SCN9A: variants seen among roughly 807,000 people sequenced by gnomAD.
SCN9A encodes the protein sodium voltage-gated channel alpha subunit 9.
A neutral mutation model predicts 187.0 loss-of-function variants in SCN9A; 131 were observed. That is an observed-to-expected ratio of 0.70 (90% CI 0.61 to 0.81). The LOEUF (loss-of-function observed/expected upper bound fraction) is 0.81. Among genes scored for constraint, SCN9A ranks in the 30% least tolerant of loss-of-function variants. The pLI, the probability that SCN9A is intolerant of heterozygous loss-of-function variation, is 0.00. For synonymous variants in SCN9A, 809 were observed against 808.6 expected, an observed-to-expected ratio of 1.00 and a Z score of -0.01; for missense variants, 2,252 against 2,396.6, an observed-to-expected ratio of 0.94 and a Z score of 1.26.
At chr2:166,232,257 T>A (rs1423369995) in intron 21 of SCN9A, among the ~76,000 whole-genome samples, 1 of 152,212 alleles carries the variant, frequency 6.6e-6, no homozygotes, top group Non-Finnish European at 1.5e-5. Flanking sequence ...AAAGCTAGGT[T>A]ATGGTAGTTG....
chr2:166,350,572 TATTA>T (rs1700010386), intron 1 of SCN9A, among the ~76,000 whole-genome samples: 1 of 152,242 alleles, frequency 6.6e-6, no homozygotes, highest in Admixed American at 6.5e-5. Flanking sequence ...AATCACTTCC[TATTA>T]TTTATTTAAC....
chr2:166,313,892 TA>T lies in SCN9A; in HGVS notation c.-50-2087del, dbSNP rs144372216. On this transcript the variant is annotated intron_variant, in intron 1 of 26. Transcript: ENST00000642356. The stretch of plus-strand genomic sequence containing the variant: ...CGCAATTCTTCCTTTACTTGAACAT[TA>T]GGGGTGGGAATGGGTTACTAATTGG... Among the ~76,000 whole-genome samples, 544 of 152,278 alleles carry T rather than the reference TA, an allele frequency of 3.6e-3. 12 individuals are homozygous for T. The East Asian group carries it at 0.065, about 18-fold the overall frequency.
intron 18 of SCN9A, among the ~76,000 whole-genome samples, chr2:166,247,927 C>A (rs4564792): frequency 0.79 from 120,033 of 151,914 alleles, 48,021 homozygotes; most frequent in Non-Finnish European, 0.85. Flanking sequence ...GCAAGATATA[C>A]GGAAGCAGTC....
chr2:166,256,663 T>C (rs537718902), intron 17 of SCN9A, among the ~76,000 whole-genome samples: 1 of 151,534 alleles, frequency 6.6e-6, no homozygotes, highest in Admixed American at 6.6e-5. Flanking sequence ...TTTCCTATTT[T>C]TCTTTGTCTA....
chr2:166,210,829 G>A lies in SCN9A; in HGVS notation c.4399-6365C>T, dbSNP rs141249372. Among the ~76,000 whole-genome samples, 467 of 152,182 alleles carry A rather than the reference G, an allele frequency of 3.1e-3. 2 individuals are homozygous for A. The highest frequency in any genetic ancestry group is 0.011 in the African/African-American group (438 of 41,526). On this transcript the variant is annotated intron_variant, in intron 24 of 26. Transcript: ENST00000642356. Reference sequence around the variant, plus strand: ...ATCCCAGCACTTTGAGGGGCTGAGCGGGAGTGGATCACCTGAGGTCAGGAG... The same window carrying A: ...ATCCCAGCACTTTGAGGGGCTGAGCAGGAGTGGATCACCTGAGGTCAGGAG...
chr2:166,214,128 G>GT (rs1208015582), intron 24 of SCN9A, among the ~76,000 whole-genome samples: 1 of 152,078 alleles, frequency 6.6e-6, no homozygotes, highest in African/African-American at 2.4e-5. Flanking sequence ...AATTGCCTTG[G>GT]TTTTCCATTT....
chr2:166,322,772 A>G (rs955504791), intron 1 of SCN9A, among the ~76,000 whole-genome samples: 3 of 152,158 alleles, frequency 2.0e-5, no homozygotes, highest in African/African-American at 7.2e-5. Flanking sequence ...ACAGAGATTT[A>G]GTTTAGAGTA....
In SCN9A at chr2:166,198,344, T is replaced by C; in HGVS notation, c.*328A>G. The C allele has an allele frequency of 4.6e-6, 1 of 215,716 alleles. No individual in the cohort carries two copies. Among genetic ancestry groups the C allele is most frequent in the Non-Finnish European group, 9.2e-6 (1 of 108,392 alleles). 13.4% of individuals were successfully genotyped at this position (215,716 alleles called of 1,614,324 possible). A position where few individuals can be genotyped will look rare whatever the true frequency, so the allele number is the denominator to read the frequency against. On this transcript the variant is annotated 3_prime_UTR_variant, in exon 27 of 27. Coordinates refer to ENST00000642356, the MANE Select transcript of SCN9A (RefSeq NM_001365536.1). Reference sequence around the variant, plus strand: ...TTATTTACATGGGAAACAAGACTAATTACAATCCTGTGAAAAGATGACAAG... The same window carrying C: ...TTATTTACATGGGAAACAAGACTAACTACAATCCTGTGAAAAGATGACAAG...
intron 26 of SCN9A, among the ~76,000 whole-genome samples, chr2:166,202,844 T>C (rs1693607802): frequency 6.6e-6 from 1 of 151,876 alleles, no homozygotes; most frequent in African/African-American, 2.4e-5. Context: ...AATTTATTTT[T>C]AGTTGATTCT....
At chr2:166,284,869 A>T in intron 11 of SCN9A, 45 bp from the exon 12 acceptor site, 1 of 1,519,516 alleles carries the variant, frequency 6.6e-7, no homozygotes, top group Admixed American at 2.1e-5. Context: ...GCACCTACTG[A>T]TAGAAGTACA....
chr2:166,314,285 A>G (rs1224159262), intron 1 of SCN9A, among the ~76,000 whole-genome samples: 2 of 152,206 alleles, frequency 1.3e-5, no homozygotes, highest in African/African-American at 4.8e-5. Context: ...TTGAAGTGCA[A>G]TAAAGTAAAG....
rs1559051073 is a variant in SCN9A, at chr2:166,340,582, CTTT to C, written c.-50-28779_-50-28777del. 4.6e-3 allele frequency among the ~76,000 whole-genome samples: 328 copies of C among 70,682 alleles called. 10 individuals are homozygous for C. Among genetic ancestry groups the C allele is most frequent in the African/African-American group, 0.027 (294 of 11,006 alleles). 46.4% of individuals were successfully genotyped at this position (70,682 alleles called of 152,430 possible). Reference sequence around the variant, plus strand: ...TCTTTCTTTCTTTCTTTCTTTCTTTCTTTCTTTCTTTCTTTCTTTCTTTTTCTT... The same window carrying C: ...TCTTTCTTTCTTTCTTTCTTTCTTTCCTTTCTTTCTTTCTTTCTTTTTCTT... On this transcript the variant is annotated intron_variant, in intron 1 of 26. Coordinates refer to ENST00000642356, the MANE Select transcript of SCN9A (RefSeq NM_001365536.1).
intron 1 of SCN9A, among the ~76,000 whole-genome samples, chr2:166,335,493 A>G (rs1329101201): frequency 2.6e-5 from 4 of 152,158 alleles, no homozygotes; most frequent in African/African-American, 4.8e-5. Context: ...TAGTGTGGAC[A>G]CTGGAGTAAG....
At chr2:166,297,745 A>G (rs1369805266) in intron 7 of SCN9A, among the ~76,000 whole-genome samples, 2 of 152,156 alleles carry the variant, frequency 1.3e-5, no homozygotes, top group South Asian at 2.1e-4. Context: ...CAGTTTAAAA[A>G]AAGGAATTTT....
chr2:166,262,916 T>C (rs1696573077), intron 17 of SCN9A, among the ~76,000 whole-genome samples: 2 of 151,986 alleles, frequency 1.3e-5, no homozygotes, highest in Admixed American at 1.3e-4. Flanking sequence ...GGTTCTGTCA[T>C]GAAGTAGATG....
At chr2:166,333,016 ATTTAT>A (rs943555003) in intron 1 of SCN9A, among the ~76,000 whole-genome samples, 27 of 151,552 alleles carry the variant, frequency 1.8e-4, no homozygotes, top group African/African-American at 6.0e-4. Flanking sequence ...CCAAGAATAT[ATTTAT>A]TTTAAGAAAT....
rs184266839 is a variant in SCN9A at position 166,333,337 on chromosome 2, T to C, written c.-50-21531A>G. 1.4e-3 allele frequency among the ~76,000 whole-genome samples: 206 copies of C among 152,254 alleles called. 1 individual carries two copies. Among genetic ancestry groups the C allele is most frequent in the South Asian group, 4.3e-3 (21 of 4,830 alleles). ...CTTTTCTGAAAATTTCCTCGATGATTGGCTTTCATTAACAGCTCCTTGTTT... is the reference window on the plus strand; with the variant it reads ...CTTTTCTGAAAATTTCCTCGATGATCGGCTTTCATTAACAGCTCCTTGTTT... On this transcript the variant is annotated intron_variant, in intron 1 of 26. Coordinates refer to ENST00000642356, the MANE Select transcript of SCN9A (RefSeq NM_001365536.1).
chr2:166,256,642 A>AT (rs531896365), intron 17 of SCN9A, among the ~76,000 whole-genome samples: 87 of 151,254 alleles, frequency 5.8e-4, no homozygotes, highest in African/African-American at 2.1e-3. Flanking sequence ...AAGAAAACCA[A>AT]TTTTTTTTCC....
chr2:166,238,747 C>G (rs1695431073), intron 19 of SCN9A, among the ~76,000 whole-genome samples: 1 of 152,178 alleles, frequency 6.6e-6, no homozygotes, highest in African/African-American at 2.4e-5. Flanking sequence ...TTAATAACAG[C>G]AGCAGGAAAG....
Sources: allele counts gnomAD v4.1 joint callset (sites outside exome capture counted in the v4.1 genomes callset), GRCh38; gene constraint gnomAD v4.1.1; transcripts MANE v1.5; gene names NCBI Gene and HGNC (gene_info 2026-07-23, HGNC 2026-07-21).